CA8: variants seen among roughly 807,000 people sequenced by gnomAD.
CA8 encodes the protein carbonic anhydrase 8 (inactive).
In CA8, 22 loss-of-function variants were observed where a neutral mutation model predicts 41.4. The observed-to-expected ratio is 0.53, with a 90% CI of 0.38 to 0.76. The LOEUF (loss-of-function observed/expected upper bound fraction) is 0.76. Among genes scored for constraint, CA8 ranks in the 30% least tolerant of loss-of-function variants. The probability of loss-of-function intolerance (pLI) is 0.00; values close to 1 mark genes in which losing one functional copy is unlikely to be tolerated. For missense variants in CA8, 270 were observed against 352.8 expected (o/e 0.77, Z 1.88); for synonymous variants, 121 against 130.6 (o/e 0.93, Z 0.50).
chr8:60,190,432 A>AAT (rs57878452), intron 8 of CA8, among the ~76,000 whole-genome samples: 1,863 of 99,044 alleles, frequency 0.019, 18 homozygotes, highest in Non-Finnish European at 0.023. Flanking sequence ...ATAAATGCAG[A>AAT]ATATATATAT....
At chr8:60,237,273 C>A (rs183864190) in intron 3 of CA8, among the ~76,000 whole-genome samples, 4 of 152,208 alleles carry the variant, frequency 2.6e-5, no homozygotes, top group African/African-American at 4.8e-5. Context: ...GGATTATTCA[C>A]GCTTTTCTCT....
chr8:60,222,079 C>T (rs1807270691), intron 7 of CA8, among the ~76,000 whole-genome samples: 1 of 152,128 alleles, frequency 6.6e-6, no homozygotes, highest in Non-Finnish European at 1.5e-5. Context: ...GCCTCATGTT[C>T]CACCAGCTAA....
At chr8:60,207,776 G>A (rs1308995810) in intron 8 of CA8, among the ~76,000 whole-genome samples, 1 of 152,138 alleles carries the variant, frequency 6.6e-6, no homozygotes, top group Non-Finnish European at 1.5e-5. Flanking sequence ...TTTTGTTTGA[G>A]ACACGATCTC....
chr8:60,236,203 A>T (rs1807824039), intron 3 of CA8, among the ~76,000 whole-genome samples: 1 of 152,222 alleles, frequency 6.6e-6, no homozygotes, highest in South Asian at 2.1e-4. Flanking sequence ...AGGGTTTAAG[A>T]GCACAGACTG....
intron 1 of CA8, among the ~76,000 whole-genome samples, chr8:60,280,781 A>G (rs528552604): frequency 2.0e-5 from 3 of 152,252 alleles, no homozygotes; most frequent in African/African-American, 7.2e-5. Context: ...CGCCCTCCGG[A>G]CCGCAGCAGG....
chr8:60,269,986 G>A (rs1804018088), intron 2 of CA8, among the ~76,000 whole-genome samples: 1 of 152,222 alleles, frequency 6.6e-6, no homozygotes, highest in South Asian at 2.1e-4. Flanking sequence ...TGCATGGAGA[G>A]TAGAGCGAAG....
chr8:60,213,785 TG>T (rs1256599536), intron 7 of CA8, among the ~76,000 whole-genome samples: 10 of 152,006 alleles, frequency 6.6e-5, no homozygotes, highest in Admixed American at 5.2e-4. Flanking sequence ...TTTTTTACCA[TG>T]GCTACTAGAA....
chr8:60,230,348 C>A (rs1259597982), intron 4 of CA8, among the ~76,000 whole-genome samples: 1 of 152,182 alleles, frequency 6.6e-6, no homozygotes, highest in Non-Finnish European at 1.5e-5. Context: ...TTTTTAATCT[C>A]TATGTCTGCA....
At chr8:60,271,154 G>T (rs1465102504) in intron 2 of CA8, among the ~76,000 whole-genome samples, 1 of 152,244 alleles carries the variant, frequency 6.6e-6, no homozygotes, top group East Asian at 1.9e-4. Context: ...ACCAGCCTGG[G>T]TAACATAGCA....
intron 7 of CA8, among the ~76,000 whole-genome samples, chr8:60,221,537 CCA>C (rs1266489457): frequency 6.6e-6 from 1 of 152,174 alleles, no homozygotes; most frequent in African/African-American, 2.4e-5. Context: ...CCCTTCACCT[CCA>C]CAGTTGTTTT....
chr8:60,278,884 G>A (rs892338512), intron 2 of CA8, among the ~76,000 whole-genome samples: 3 of 152,138 alleles, frequency 2.0e-5, no homozygotes, highest in African/African-American at 7.2e-5. Flanking sequence ...TATCAAGTAC[G>A]TCCTAATATT....
Position 60,259,740 on chromosome 8 carries a change from C to CT in CA8, c.417+6184dup, listed in dbSNP as rs1203317962. On this transcript the variant is annotated intron_variant, in intron 3 of 8. Coordinates refer to ENST00000317995, the MANE Select transcript of CA8 (RefSeq NM_004056.6). ...ATTCAGGAAACATAAAATTTGTTTG[C>CT]TTTTTTTTTTTTTTGCCAAGATGTG... 3.0e-3 allele frequency among the ~76,000 whole-genome samples: 419 copies of CT among 138,226 alleles called. 2 individuals are homozygous for CT. The highest frequency in any genetic ancestry group is 4.4e-3 in the South Asian group (19 of 4,278). The allele number at this position is 138,226 out of a possible 152,430, so 90.7% of individuals were successfully genotyped here.
At chr8:60,241,157 C>T (rs917355970) in intron 3 of CA8, among the ~76,000 whole-genome samples, 11 of 152,188 alleles carry the variant, frequency 7.2e-5, no homozygotes, top group Admixed American at 2.0e-4. Context: ...TAAGTCATCA[C>T]TGTCAATATA....
intron 8 of CA8, among the ~76,000 whole-genome samples, chr8:60,206,992 C>CT (rs955431350): frequency 1.3e-5 from 2 of 152,162 alleles, no homozygotes; most frequent in African/African-American, 4.8e-5. Flanking sequence ...TTGCTGCGGC[C>CT]TCCTGCCCCA....
intron 2 of CA8, among the ~76,000 whole-genome samples, chr8:60,276,777 T>C (rs1021691359): frequency 1.3e-5 from 2 of 152,130 alleles, no homozygotes; most frequent in Admixed American, 1.3e-4. Flanking sequence ...TTAATTTAAG[T>C]ATACAGCGAT....
chr8:60,213,212 G>A (rs1806899581), intron 7 of CA8, among the ~76,000 whole-genome samples: 1 of 152,046 alleles, frequency 6.6e-6, no homozygotes, highest in Non-Finnish European at 1.5e-5. Context: ...TTTTTTTGAG[G>A]AAGAGAGTAG....
intron 1 of CA8, 63 bp from the exon 2 acceptor site, chr8:60,279,943 T>A (rs1804356078): frequency 1.9e-5 from 26 of 1,397,346 alleles, no homozygotes; most frequent in Non-Finnish European, 2.5e-5. Flanking sequence ...AAATTTAACA[T>A]GTAAAAACTA....
chr8:60,193,020 T>TCCAAATATGG (rs1338204324), intron 8 of CA8, among the ~76,000 whole-genome samples: 1 of 149,300 alleles, frequency 6.7e-6, no homozygotes, highest in Non-Finnish European at 1.5e-5. Context: ...CACCCCATCC[T>TCCAAATATGG]CCAAATATGG....
At chr8:60,216,441 G>A (rs961703564) in intron 7 of CA8, among the ~76,000 whole-genome samples, 6 of 152,164 alleles carry the variant, frequency 3.9e-5, no homozygotes, top group Non-Finnish European at 2.9e-5. Flanking sequence ...TCTTTTCCTT[G>A]AGAAGTACAG....
Sources: allele counts gnomAD v4.1 joint callset (sites outside exome capture counted in the v4.1 genomes callset), GRCh38; gene constraint gnomAD v4.1.1; transcripts MANE v1.5; gene names NCBI Gene and HGNC (gene_info 2026-07-23, HGNC 2026-07-21).